ADAMTS19: variants seen among roughly 807,000 people sequenced by gnomAD.
ADAMTS19 encodes A disintegrin and metalloproteinase with thrombospondin motifs 19.
ADAMTS19 carries 93 observed loss-of-function variants against 153.3 expected under a neutral mutation model. The ratio of observed to expected loss-of-function variants is 0.61; its 90% CI spans 0.51 to 0.72. The LOEUF (loss-of-function observed/expected upper bound fraction) is 0.72. Among genes scored for constraint, ADAMTS19 ranks in the 30% least tolerant of loss-of-function variants. The pLI is 0.00. For missense variants in ADAMTS19, 1,482 were observed against 1,552.1 expected, an observed-to-expected ratio of 0.95 and a Z score of 0.76; for synonymous variants, 600 against 556.6, an observed-to-expected ratio of 1.08 and a Z score of -1.10.
intron 2 of ADAMTS19, among the ~76,000 whole-genome samples, chr5:129,485,084 A>G (rs1384821776): frequency 6.6e-6 from 1 of 152,210 alleles, no homozygotes; most frequent in Non-Finnish European, 1.5e-5. Flanking sequence ...ACAGTTATCA[A>G]GATAGATTAT....
chr5:129,488,121 C>G (rs1185041905), intron 2 of ADAMTS19, among the ~76,000 whole-genome samples: 1 of 151,946 alleles, frequency 6.6e-6, no homozygotes, highest in Admixed American at 6.6e-5. Context: ...AAAGAAAATA[C>G]ACCGAGATTT....
chr5:129,574,450 G>T (rs1220182834), intron 7 of ADAMTS19, among the ~76,000 whole-genome samples: 1 of 151,964 alleles, frequency 6.6e-6, no homozygotes, highest in African/African-American at 2.4e-5. Flanking sequence ...AGGCCTTGGT[G>T]TGTGTTGTTC....
intron 7 of ADAMTS19, among the ~76,000 whole-genome samples, chr5:129,571,040 T>C (rs532756670): frequency 6.6e-6 from 1 of 151,892 alleles, no homozygotes; most frequent in South Asian, 2.1e-4. Context: ...ACTCCATCCC[T>C]CTTAGGAAAA....
rs374597340 is a variant in ADAMTS19, at chr5:129,561,380, T to G, written c.1372+9473T>G. The stretch of plus-strand genomic sequence containing the variant: ...CCGTCTCTACTAAAAATACAAAAAA[T>G]TAGCCGGGCGCGGTGGCGGGCGCCT... On this transcript the variant is annotated intron_variant, in intron 7 of 22. Coordinates refer to ENST00000274487, the MANE Select transcript of ADAMTS19 (RefSeq NM_133638.6). 1.1e-4 allele frequency among the ~76,000 whole-genome samples: 16 copies of G among 152,120 alleles called. No homozygotes were observed. The East Asian group carries it at 2.3e-3, about 22-fold the overall frequency.
At chr5:129,668,927 T>C (rs1421451304) in intron 16 of ADAMTS19, among the ~76,000 whole-genome samples, 1 of 152,088 alleles carries the variant, frequency 6.6e-6, no homozygotes, top group Non-Finnish European at 1.5e-5. Context: ...TGACCCTGAA[T>C]AGTCAAACCA....
At position 129,701,661 on chromosome 5, in the gene ADAMTS19, T is replaced by A. The variant is rs1755864632; in HGVS notation, c.3159+69T>A. The A allele has an allele frequency of 5.9e-6, 9 of 1,527,076 alleles. 1 individual carries two copies. The highest frequency in any genetic ancestry group is 8.0e-6 in the Non-Finnish European group (9 of 1,129,282). 94.6% of individuals were successfully genotyped at this position (1,527,076 alleles called of 1,614,324 possible). On this transcript the variant is annotated intron_variant, in intron 20 of 22. Transcript: ENST00000274487. ...CTAGCTTGTACAAGATCAGGTTGGA[T>A]CATGTTCAGAATCTGCATTGAAGTT...
chr5:129,608,090 A>ATGTGTGTGTGTGTG (rs747075161), intron 8 of ADAMTS19, among the ~76,000 whole-genome samples: 6 of 104,546 alleles, frequency 5.7e-5, no homozygotes, highest in African/African-American at 2.3e-4. Context: ...TTTTATATAT[A>ATGTGTGTGTGTGTG]TGTGTGTGTG....
At chr5:129,470,571 A>G (rs894768236) in intron 2 of ADAMTS19, among the ~76,000 whole-genome samples, 2 of 152,214 alleles carry the variant, frequency 1.3e-5, no homozygotes, top group African/African-American at 4.8e-5. Flanking sequence ...GACTGAGAGA[A>G]GTGAGAAAAT....
chr5:129,495,988 A>G (rs1458958234), intron 2 of ADAMTS19, among the ~76,000 whole-genome samples: 1 of 152,084 alleles, frequency 6.6e-6, no homozygotes, highest in East Asian at 1.9e-4. Context: ...TGGGAAGAAA[A>G]AAAGGTCAAA....
rs112212267 is a variant in ADAMTS19, at chr5:129,495,639, A to C, written c.748-13438A>C. Reference sequence around the variant, plus strand: ...ACTCTACTGGTGACTGAAAGGAGTAAACAGAATTTTAAATATTTATCAGTA... The same window carrying C: ...ACTCTACTGGTGACTGAAAGGAGTACACAGAATTTTAAATATTTATCAGTA... On this transcript the variant is annotated intron_variant, in intron 2 of 22. Coordinates refer to ENST00000274487, the MANE Select transcript of ADAMTS19 (RefSeq NM_133638.6). 3.9e-3 allele frequency among the ~76,000 whole-genome samples: 591 copies of C among 152,236 alleles called. 1 individual carries two copies. Among genetic ancestry groups the C allele is most frequent in the Non-Finnish European group, 6.3e-3 (431 of 67,984 alleles).
chr5:129,667,685 C>T (rs889446695), intron 16 of ADAMTS19, among the ~76,000 whole-genome samples: 1 of 152,070 alleles, frequency 6.6e-6, no homozygotes, highest in Admixed American at 6.6e-5. Context: ...TCCTGAGGCC[C>T]TCATCAGAAG....
chr5:129,720,553 C>T (rs1157748275), intron 21 of ADAMTS19, among the ~76,000 whole-genome samples: 2 of 152,104 alleles, frequency 1.3e-5, no homozygotes, highest in Non-Finnish European at 2.9e-5. Context: ...GACTCAGTGT[C>T]ACAATTCTAG....
intron 3 of ADAMTS19, 129 bp downstream of exon 3, chr5:129,509,371 A>G (rs957606191): frequency 1.2e-6 from 1 of 841,342 alleles, no homozygotes; most frequent in Admixed American, 3.1e-5. Flanking sequence ...AGTAACAATT[A>G]AATGTATCAA....
At chr5:129,596,879 T>TA in intron 8 of ADAMTS19, among the ~76,000 whole-genome samples, 1 of 152,166 alleles carries the variant, frequency 6.6e-6, no homozygotes, top group Non-Finnish European at 1.5e-5. Flanking sequence ...ATTACATTAT[T>TA]AAAATCCCTA....
chr5:129,654,499 T>C (rs533176085), intron 14 of ADAMTS19, 66 bp downstream of exon 14: 1 of 1,533,112 alleles, frequency 6.5e-7, no homozygotes, highest in South Asian at 1.2e-5. Context: ...ACTGAGCAGC[T>C]TCACAGCATG....
Position 129,526,475 on chromosome 5 carries a change from G to A in ADAMTS19, c.1086+19G>A. On this transcript the variant is annotated intron_variant, in intron 4 of 22. Coordinates refer to ENST00000274487, the MANE Select transcript of ADAMTS19 (RefSeq NM_133638.6). The stretch of plus-strand genomic sequence containing the variant: ...AAATATGGTAGGCAAACTTTAAAGT[G>A]CGCTTGGAATTTTTTCAAGAAAACT... 1.3e-6 allele frequency: 2 copies of A among 1,572,290 alleles called. No individual in the cohort carries two copies. The highest frequency in any genetic ancestry group is 1.7e-6 in the Non-Finnish European group (2 of 1,166,160).
intron 7 of ADAMTS19, among the ~76,000 whole-genome samples, chr5:129,582,297 T>G (rs1161482301): frequency 6.6e-6 from 1 of 151,594 alleles, no homozygotes; most frequent in Non-Finnish European, 1.5e-5. Context: ...GGGGAATATA[T>G]ATTTAGGATA....
At chr5:129,712,318 G>GA (rs1432774527) in intron 21 of ADAMTS19, among the ~76,000 whole-genome samples, 2 of 152,040 alleles carry the variant, frequency 1.3e-5, no homozygotes, top group African/African-American at 4.8e-5. Context: ...TTTGGACATT[G>GA]AAAAAACCTA....
Position 129,730,928 on chromosome 5 carries a change from TTTTTGTTTTGTTTTG to T in ADAMTS19, c.3313-3970_3313-3956del, listed in dbSNP as rs143197904. Among the ~76,000 whole-genome samples the T allele has an allele frequency of 7.5e-3, 1,105 of 147,426 alleles. 12 individuals carry two copies. The highest frequency in any genetic ancestry group is 0.022 in the South Asian group (103 of 4,602). ...CTGGATTTGAGATAGTGTTGTTGTT[TTTTTGTTTTGTTTTG>T]TTTTGTTTTGTTTTGTTTTGTTTTG... On this transcript the variant is annotated intron_variant, in intron 21 of 22. Coordinates refer to ENST00000274487, the MANE Select transcript of ADAMTS19 (RefSeq NM_133638.6).
Sources: allele counts gnomAD v4.1 joint callset (sites outside exome capture counted in the v4.1 genomes callset), GRCh38; gene constraint gnomAD v4.1.1; transcripts MANE v1.5; gene names NCBI Gene and HGNC (gene_info 2026-07-23, HGNC 2026-07-21).